The following SYN3 variants were observed in gnomAD, a reference collection of about 807,000 sequenced individuals.
The protein encoded by SYN3 is synapsin III.
In SYN3, 35 loss-of-function variants were observed where a neutral mutation model predicts 65.8. The observed-to-expected ratio is 0.53, with a 90% confidence interval of 0.41 to 0.70. The LOEUF (loss-of-function observed/expected upper bound fraction) is 0.70, where lower values mean the gene tolerates loss of function less well. SYN3 is among the 30% of genes least tolerant of loss of function. The probability of loss-of-function intolerance (pLI) is 0.00; values close to 1 mark genes in which losing one functional copy is unlikely to be tolerated. For synonymous variants in SYN3, 270 were observed against 292.9 expected (o/e 0.92, Z 0.80); for missense variants, 680 against 749.0 (o/e 0.91, Z 1.08).
At chr22:32,794,570 A>G (rs2046388542) in intron 6 of SYN3, among the ~76,000 whole-genome samples, 5 of 152,074 alleles carry the variant, frequency 3.3e-5, no homozygotes, top group African/African-American at 7.2e-5. Flanking sequence ...TATTTGTTCA[A>G]TGTCTACTAT....
At chr22:33,050,737 C>A (rs757630399) in intron 1 of SYN3, among the ~76,000 whole-genome samples, 21 of 152,122 alleles carry the variant, frequency 1.4e-4, no homozygotes, top group Admixed American at 3.3e-4. Context: ...GCCATGGATC[C>A]CTCCCTCAGT....
Position 33,014,071 on chromosome 22 carries a change from GT to G in SYN3, c.-162-7248del, listed in dbSNP as rs1259382278. Reference sequence around the variant, plus strand: ...AGACGTGTACTAAGATGCCCAGCTAGTTAAAAAAAAAAAAAAAAAAAAATTA... The same window carrying G: ...AGACGTGTACTAAGATGCCCAGCTAGTAAAAAAAAAAAAAAAAAAAAATTA... On this transcript the variant is annotated intron_variant, in intron 1 of 13. Transcript: ENST00000358763. 4.5e-5 allele frequency among the ~76,000 whole-genome samples: 4 copies of G among 88,466 alleles called. No homozygotes were observed. The East Asian group carries it at 1.0e-3, about 23-fold the overall frequency. 58.0% of individuals were successfully genotyped at this position (88,466 alleles called of 152,430 possible).
At position 32,869,116 on chromosome 22, in the gene SYN3, G is replaced by A. The variant is rs1335932970; in HGVS notation, c.471C>T (p.Phe157=). 9.9e-6 allele frequency: 16 copies of A among 1,613,356 alleles called. No homozygotes were observed. The East Asian group carries it at 3.6e-4, about 36-fold the overall frequency. ...RNGTKVVSRS[F]KPDFILVRQH... is the part of the protein sequence containing the mutation. ...GGCGGACCAGGATGAAGTCTGGCTT[G>A]AAGGATCTGCTGAGAAAGCCAACAG... The change falls in exon 5 of 14, where the codon TTC becomes TTT. Residue 157 remains phenylalanine, a synonymous_variant. Coordinates refer to ENST00000358763, the MANE Select transcript of SYN3 (RefSeq NM_003490.4).
chr22:33,051,566 CA>C (rs5845060), intron 1 of SYN3, among the ~76,000 whole-genome samples: 86,869 of 150,822 alleles, frequency 0.58, 25,989 homozygotes, highest in African/African-American at 0.76. Context: ...TAAACACAAA[CA>C]AAAAAAAAAT....
chr22:32,991,519 C>T (rs552083977), intron 2 of SYN3, among the ~76,000 whole-genome samples: 75 of 152,262 alleles, frequency 4.9e-4, no homozygotes, highest in South Asian at 2.5e-3. Flanking sequence ...TCGGTTCTCA[C>T]GCCCAACACA....
At chr22:32,966,693 C>T (rs2051856418) in intron 3 of SYN3, among the ~76,000 whole-genome samples, 1 of 152,110 alleles carries the variant, frequency 6.6e-6, no homozygotes, top group Non-Finnish European at 1.5e-5. Flanking sequence ...GCTGTGGGGA[C>T]CACTTGAGCA....
intron 3 of SYN3, among the ~76,000 whole-genome samples, chr22:32,958,059 C>G (rs1455513758): frequency 6.6e-6 from 1 of 152,190 alleles, no homozygotes; most frequent in African/African-American, 2.4e-5. Flanking sequence ...CTGAGGAGCA[C>G]AGAGGCCCTC....
chr22:32,550,590 T>A (rs1440777865), intron 7 of SYN3, among the ~76,000 whole-genome samples: 2 of 152,032 alleles, frequency 1.3e-5, no homozygotes, highest in Non-Finnish European at 2.9e-5. Flanking sequence ...TAAATAAGTG[T>A]TGTAATCTAA....
chr22:32,864,850 C>T (rs926306932), intron 6 of SYN3, 65 bp downstream of exon 6: 28 of 1,439,190 alleles, frequency 1.9e-5, no homozygotes, highest in South Asian at 1.3e-4. Context: ...CCAAAGAGAC[C>T]GAGGACAAGT....
rs112695934 is a variant in SYN3 at position 32,989,835 on chromosome 22, CAAAAAAA to C, written c.312-9140_312-9134del. On this transcript the variant is annotated intron_variant, in intron 2 of 13. Transcript: ENST00000358763. ...GGGTGACAGAGTGAGACTCCATCTT[CAAAAAAA>C]AAAAAAAAAAAAGGCATCAAACACC... is the stretch of plus-strand genomic sequence containing the variant. 2.8e-4 allele frequency among the ~76,000 whole-genome samples: 25 copies of C among 88,178 alleles called. 1 individual carries two copies. Among genetic ancestry groups the C allele is most frequent in the African/African-American group, 9.9e-4 (22 of 22,180 alleles). The allele number at this position is 88,178 out of a possible 152,430, so 57.8% of individuals were successfully genotyped here.
chr22:32,619,740 C>A (rs962113008), intron 6 of SYN3, among the ~76,000 whole-genome samples: 4 of 152,160 alleles, frequency 2.6e-5, no homozygotes, highest in Admixed American at 2.0e-4. Context: ...TCTGGGCTGG[C>A]CTTGAGACTT....
intron 6 of SYN3, among the ~76,000 whole-genome samples, chr22:32,634,562 C>T (rs2059788880): frequency 6.6e-6 from 1 of 152,260 alleles, no homozygotes; most frequent in African/African-American, 2.4e-5. Flanking sequence ...GACAGCTCGG[C>T]ACCACCTCCA....
At chr22:32,682,757 T>G (rs2060540613) in intron 6 of SYN3, among the ~76,000 whole-genome samples, 1 of 156 alleles carries the variant, frequency 6.4e-3, no homozygotes, top group Admixed American at 0.038. Context: ...TGGGTGATGT[T>G]ATTTTTCACC....
chr22:32,946,807 C>G (rs997056496), intron 3 of SYN3, among the ~76,000 whole-genome samples: 1 of 152,044 alleles, frequency 6.6e-6, no homozygotes, highest in Non-Finnish European at 1.5e-5. Context: ...GGGAAAATAG[C>G]CATGTTATAC....
chr22:32,601,469 G>A (rs1330865108), intron 6 of SYN3, among the ~76,000 whole-genome samples: 1 of 152,148 alleles, frequency 6.6e-6, no homozygotes, highest in African/African-American at 2.4e-5. Flanking sequence ...AGTAGAGACG[G>A]GGTTTCACCG....
intron 4 of SYN3, among the ~76,000 whole-genome samples, chr22:32,905,209 T>C (rs1248240845): frequency 6.6e-6 from 1 of 152,196 alleles, no homozygotes; most frequent in African/African-American, 2.4e-5. Context: ...ATAAGGTATT[T>C]TGGGGAAAAT....
chr22:32,616,851 A>C (rs919110270), intron 6 of SYN3, among the ~76,000 whole-genome samples: 6 of 152,152 alleles, frequency 3.9e-5, no homozygotes, highest in African/African-American at 1.4e-4. Context: ...CATAGGGGAA[A>C]TTTGCACTGG....
chr22:33,014,757 GCAA>G (rs1176843365), intron 1 of SYN3, among the ~76,000 whole-genome samples: 1 of 152,164 alleles, frequency 6.6e-6, no homozygotes, highest in African/African-American at 2.4e-5. Flanking sequence ...TCAAGCCTGG[GCAA>G]CAACAGCAAA....
chr22:32,848,146 A>C (rs772929325), intron 6 of SYN3, among the ~76,000 whole-genome samples: 1 of 152,264 alleles, frequency 6.6e-6, no homozygotes, highest in Non-Finnish European at 1.5e-5. Context: ...AGAGAAGCAC[A>C]ACCTTGTAGA....
Sources: allele counts gnomAD v4.1 joint callset (sites outside exome capture counted in the v4.1 genomes callset), GRCh38; gene constraint gnomAD v4.1.1; transcripts MANE v1.5; gene names NCBI Gene and HGNC (gene_info 2026-07-23, HGNC 2026-07-21).